Variants in CACNA2D1 observed in about 807,000 individuals in gnomAD.
The protein encoded by CACNA2D1 is calcium voltage-gated channel auxiliary subunit alpha2delta 1, also known as voltage-dependent calcium channel subunit alpha-2/delta-1.
Under a neutral mutation model 171.5 loss-of-function variants are expected in CACNA2D1, and 53 were observed. That is an observed-to-expected ratio of 0.31 (90% CI 0.25 to 0.39). The LOEUF (loss-of-function observed/expected upper bound fraction) is 0.39, where lower values mean the gene tolerates loss of function less well. Among genes scored for constraint, CACNA2D1 ranks in the 10% least tolerant of loss-of-function variants. The pLI is 1.00. For synonymous variants in CACNA2D1, 442 were observed against 443.1 expected, an observed-to-expected ratio of 1.00 and a Z score of 0.03; for missense variants, 903 against 1,299.8, an observed-to-expected ratio of 0.69 and a Z score of 4.69.
At chr7:82,389,149 TATA>T (rs199707700) in intron 1 of CACNA2D1, among the ~76,000 whole-genome samples, 1,654 of 120,970 alleles carry the variant, frequency 0.014, 62 homozygotes, top group East Asian at 0.086. Flanking sequence ...TATATATATT[TATA>T]TATATATATA....
At chr7:82,252,937 C>T (rs1156911623) in intron 3 of CACNA2D1, among the ~76,000 whole-genome samples, 1 of 151,198 alleles carries the variant, frequency 6.6e-6, no homozygotes, top group African/African-American at 2.4e-5. Context: ...TGGTAGCTGG[C>T]AGGGTGGATT....
At chr7:82,382,389 G>C (rs1823808847) in intron 1 of CACNA2D1, among the ~76,000 whole-genome samples, 2 of 152,318 alleles carry the variant, frequency 1.3e-5, no homozygotes, top group Middle Eastern at 6.8e-3. Flanking sequence ...TTTGTCTGAA[G>C]TCATTCCCAG....
At chr7:82,125,169 G>T (rs1790190475) in intron 5 of CACNA2D1, among the ~76,000 whole-genome samples, 1 of 152,202 alleles carries the variant, frequency 6.6e-6, no homozygotes, top group African/African-American at 2.4e-5. Context: ...CTAGCCAAAT[G>T]TCCCAGACAG....
intron 3 of CACNA2D1, among the ~76,000 whole-genome samples, chr7:82,179,023 TTGACATTCTG>T (rs1268035143): frequency 6.6e-6 from 1 of 151,892 alleles, no homozygotes; most frequent in Non-Finnish European, 1.5e-5. Context: ...TTATAATACT[TTGACATTCTG>T]TGACTTTCTG....
intron 3 of CACNA2D1, among the ~76,000 whole-genome samples, chr7:82,247,196 T>C (rs1227327491): frequency 6.6e-6 from 1 of 152,144 alleles, no homozygotes; most frequent in East Asian, 1.9e-4. Context: ...AACACAGATG[T>C]ATGGCTCTGG....
chr7:82,026,660 G>C, intron 12 of CACNA2D1, among the ~76,000 whole-genome samples: 1 of 151,658 alleles, frequency 6.6e-6, no homozygotes, highest in East Asian at 1.9e-4. Context: ...ATATCTGTGG[G>C]CTGCAGATCG....
intron 17 of CACNA2D1, 99 bp downstream of exon 17, chr7:82,005,661 CTAAGA>C: frequency 1.1e-6 from 1 of 931,878 alleles, no homozygotes; most frequent in Non-Finnish European, 1.8e-6. Flanking sequence ...AGTTCCTTTG[CTAAGA>C]TAACTGCCCA....
intron 6 of CACNA2D1, among the ~76,000 whole-genome samples, chr7:82,088,264 C>T (rs1810721952): frequency 6.6e-6 from 1 of 151,958 alleles, no homozygotes; most frequent in African/African-American, 2.4e-5. Flanking sequence ...CTCCTGTTTT[C>T]CTGACACTGT....
chr7:81,994,054 C>T (rs1395177549), intron 20 of CACNA2D1, among the ~76,000 whole-genome samples: 4 of 152,032 alleles, frequency 2.6e-5, no homozygotes, highest in African/African-American at 9.7e-5. Flanking sequence ...GCTCACCTTC[C>T]ACCTAGGGAA....
intron 5 of CACNA2D1, among the ~76,000 whole-genome samples, chr7:82,117,780 CAAAT>C (rs1344204096): frequency 3.3e-5 from 5 of 151,912 alleles, no homozygotes; most frequent in East Asian, 1.9e-4. Flanking sequence ...GACCCTGCCT[CAAAT>C]AAATAAACAA....
intron 15 of CACNA2D1, among the ~76,000 whole-genome samples, chr7:82,011,259 A>C (rs536443066): frequency 4.9e-4 from 75 of 152,234 alleles, no homozygotes; most frequent in Non-Finnish European, 8.8e-4. Flanking sequence ...ATACACTAAT[A>C]CTAACAATAG....
intron 3 of CACNA2D1, among the ~76,000 whole-genome samples, chr7:82,229,287 C>G (rs1443841622): frequency 6.6e-6 from 1 of 152,010 alleles, no homozygotes; most frequent in African/African-American, 2.4e-5. Flanking sequence ...AACGCAAGGC[C>G]CTTTCAGAGC....
intron 3 of CACNA2D1, among the ~76,000 whole-genome samples, chr7:82,228,448 T>C (rs988486907): frequency 2.0e-5 from 3 of 152,166 alleles, no homozygotes; most frequent in African/African-American, 7.2e-5. Flanking sequence ...TTGTGGTACT[T>C]GGTTATACAT....
intron 3 of CACNA2D1, among the ~76,000 whole-genome samples, chr7:82,277,067 T>C (rs570931982): frequency 6.6e-6 from 1 of 152,196 alleles, no homozygotes; most frequent in East Asian, 1.9e-4. Context: ...TTTTTTAACA[T>C]CACTTTATGT....
intron 3 of CACNA2D1, among the ~76,000 whole-genome samples, chr7:82,181,080 G>GGT (rs2129169638): frequency 2.0e-5 from 1 of 48,992 alleles, no homozygotes; most frequent in East Asian, 5.8e-4. Flanking sequence ...TTTTTTTTGC[G>GGT]TCAGTGAGAT....
chr7:82,077,554 TA>T (rs1484006463), intron 7 of CACNA2D1, among the ~76,000 whole-genome samples: 4 of 152,154 alleles, frequency 2.6e-5, no homozygotes, highest in African/African-American at 7.2e-5. Context: ...TTGACATGAG[TA>T]AAAACCAAAC....
At chr7:81,967,103 A>G (rs1049592403) in intron 31 of CACNA2D1, 66 bp downstream of exon 31, 3 of 1,211,280 alleles carry the variant, frequency 2.5e-6, no homozygotes, top group South Asian at 1.3e-5. Flanking sequence ...TTTCATCACT[A>G]TAGTCTTAGC....
In CACNA2D1 at chr7:82,260,523, T is replaced by A. The variant is rs10453026; in HGVS notation, c.294+74612A>T. 6.6e-3 allele frequency among the ~76,000 whole-genome samples: 999 copies of A among 152,310 alleles called. 9 individuals are homozygous for A. Among genetic ancestry groups the A allele is most frequent in the African/African-American group, 0.023 (944 of 41,554 alleles). On this transcript the variant is annotated intron_variant, in intron 3 of 38. Transcript: ENST00000356860. Reference sequence around the variant, plus strand: ...TACACATGGTTAACCCTAAGCAAACTTTTGAAATATGACTTTAAAGACATC... The same window carrying A: ...TACACATGGTTAACCCTAAGCAAACATTTGAAATATGACTTTAAAGACATC...
chr7:82,149,770 T>G (rs1245056004), intron 4 of CACNA2D1, among the ~76,000 whole-genome samples: 1 of 98,544 alleles, frequency 1.0e-5, no homozygotes, highest in African/African-American at 3.4e-5. Flanking sequence ...CTACTAAAAA[T>G]ACAAAAAAAA....
Sources: allele counts gnomAD v4.1 joint callset (sites outside exome capture counted in the v4.1 genomes callset), GRCh38; gene constraint gnomAD v4.1.1; transcripts MANE v1.5; gene names NCBI Gene and HGNC (gene_info 2026-07-23, HGNC 2026-07-21).